The following COLEC10 variants were observed in gnomAD, a reference collection of about 807,000 sequenced individuals.
COLEC10 encodes the protein collectin-10.
COLEC10 carries 22 observed loss-of-function variants against 28.4 expected under a neutral mutation model. The ratio of observed to expected loss-of-function variants is 0.78; its 90% CI spans 0.55 to 1.11. The LOEUF (loss-of-function observed/expected upper bound fraction) is 1.11. Ranked by LOEUF, COLEC10 falls within the 50% of genes least tolerant of loss-of-function variation. COLEC10 has a pLI of 0.00. For missense variants in COLEC10, 361 were observed against 344.1 expected (o/e 1.05, Z -0.39); for synonymous variants, 125 against 116.1 (o/e 1.08, Z -0.49).
chr8:118,972,636 A>C, the COLEC10 span, among the ~76,000 whole-genome samples: 3 of 152,008 alleles, frequency 2.0e-5, no homozygotes, highest in Non-Finnish European at 4.4e-5. Context: ...CTGGCTAAGA[A>C]GCTCAGAACT....
At chr8:119,004,580 T>G (rs1198722151) in intron 1 of COLEC10, among the ~76,000 whole-genome samples, 1 of 151,080 alleles carries the variant, frequency 6.6e-6, no homozygotes, top group Non-Finnish European at 1.5e-5. Context: ...AATATATGCT[T>G]GAATATATCA....
the COLEC10 span, among the ~76,000 whole-genome samples, chr8:118,964,805 C>T: frequency 6.6e-6 from 1 of 152,180 alleles, no homozygotes; most frequent in South Asian, 2.1e-4. Context: ...ACTCTGCTTG[C>T]CACCAACAGA....
chr8:119,071,393 C>A (rs1205422750), intron 1 of COLEC10, among the ~76,000 whole-genome samples: 1 of 152,208 alleles, frequency 6.6e-6, no homozygotes, highest in African/African-American at 2.4e-5. Context: ...CATATCATTT[C>A]AAACTGCTCT....
the COLEC10 span, among the ~76,000 whole-genome samples, chr8:118,978,369 A>T: frequency 1.3e-5 from 2 of 152,082 alleles, no homozygotes; most frequent in African/African-American, 2.4e-5. Flanking sequence ...AAAGGTCCCA[A>T]ATATCAAACT....
intron 5 of COLEC10, 149 bp from the exon 6 acceptor site, chr8:119,105,651 A>T: frequency 1.4e-6 from 1 of 701,582 alleles, no homozygotes; most frequent in Non-Finnish European, 2.3e-6. Context: ...AGGTGGGGGT[A>T]ATTAAATCTG....
At chr8:118,995,181 T>A (rs2062377), upstream of COLEC10, among the ~76,000 whole-genome samples, 101,165 of 152,096 alleles carry the variant, frequency 0.67, 34,898 homozygotes, top group African/African-American at 0.86. Flanking sequence ...TCACTATTGA[T>A]TTGCAGCAAA....
chr8:119,048,618 A>T (rs906508938), intron 2 of COLEC10, among the ~76,000 whole-genome samples: 2 of 151,830 alleles, frequency 1.3e-5, no homozygotes, highest in African/African-American at 4.8e-5. Context: ...CTTAATTTTC[A>T]TTGGTTTAAA....
At chr8:119,002,579 T>A (rs1056047265) in intron 1 of COLEC10, among the ~76,000 whole-genome samples, 11 of 152,260 alleles carry the variant, frequency 7.2e-5, no homozygotes, top group African/African-American at 2.4e-4. Context: ...TGAACTAGAA[T>A]AAGTAGGATA....
chr8:119,093,034 T>C (rs1815641993), intron 3 of COLEC10, among the ~76,000 whole-genome samples: 1 of 152,082 alleles, frequency 6.6e-6, no homozygotes, highest in South Asian at 2.1e-4. Context: ...ATTATGGAAA[T>C]AGGCAAAAGG....
chr8:119,011,694 T>A (rs1164188861), intron 2 of COLEC10, among the ~76,000 whole-genome samples: 1 of 150,966 alleles, frequency 6.6e-6, no homozygotes, highest in African/African-American at 2.5e-5. Flanking sequence ...GACTTATATC[T>A]AAGTATTTTG....
At chr8:118,957,281 C>T in the COLEC10 span, among the ~76,000 whole-genome samples, 11 of 152,290 alleles carry the variant, frequency 7.2e-5, no homozygotes, top group South Asian at 1.0e-3. Flanking sequence ...CCAACTAAAC[C>T]TAGAAATAAA....
At chr8:119,000,830 G>T (rs1169362173) in intron 1 of COLEC10, among the ~76,000 whole-genome samples, 1 of 152,156 alleles carries the variant, frequency 6.6e-6, no homozygotes, top group Admixed American at 6.5e-5. Flanking sequence ...CAAGGTAATT[G>T]ATAGGTGAAA....
intron 1 of COLEC10, chr8:119,067,720 G>T: frequency 3.4e-6 from 1 of 292,392 alleles, no homozygotes; most frequent in Non-Finnish European, 6.4e-6. Flanking sequence ...CGGGGCAGAT[G>T]CACAATCCAG....
chr8:119,057,507 T>C (rs1814785623), intron 2 of COLEC10, among the ~76,000 whole-genome samples: 2 of 152,078 alleles, frequency 1.3e-5, no homozygotes, highest in South Asian at 4.1e-4. Context: ...TACATGCCAG[T>C]ATTTATCTCC....
intron 2 of COLEC10, among the ~76,000 whole-genome samples, chr8:119,041,045 T>C (rs1209678983): frequency 6.6e-6 from 1 of 152,216 alleles, no homozygotes; most frequent in Non-Finnish European, 1.5e-5. Context: ...TTAGTTAGTG[T>C]GCCTGGACAT....
intron 2 of COLEC10, among the ~76,000 whole-genome samples, chr8:119,054,665 A>G (rs781039802): frequency 1.2e-4 from 19 of 152,030 alleles, no homozygotes; most frequent in Non-Finnish European, 2.4e-4. Flanking sequence ...TCTTGCTTCC[A>G]TTTTCTGTGA....
chr8:118,967,919 G>T, the COLEC10 span, among the ~76,000 whole-genome samples: 1 of 152,004 alleles, frequency 6.6e-6, no homozygotes, highest in Admixed American at 6.6e-5. Context: ...ATTAAGGATG[G>T]TGTTAGTTCC....
the COLEC10 span, among the ~76,000 whole-genome samples, chr8:118,982,302 T>A: frequency 6.6e-6 from 1 of 152,032 alleles, no homozygotes; most frequent in African/African-American, 2.4e-5. Context: ...CCCTCAAGAA[T>A]AAAGCCATGA....
chr8:119,059,700 A>G (rs1385511), intron 2 of COLEC10, among the ~76,000 whole-genome samples: 41,758 of 151,850 alleles, frequency 0.27, 6,403 homozygotes, highest in East Asian at 0.66. Context: ...TTTTCCATAC[A>G]TGAAGGCCTC....
Sources: gnomAD v4.1 joint callset for allele counts (sites outside exome capture counted in the v4.1 genomes callset) on GRCh38, gnomAD v4.1.1 for gene constraint, MANE v1.5 for transcripts, NCBI Gene and HGNC (gene_info 2026-07-23, HGNC 2026-07-21) for gene names.